RIMS3: variants seen among roughly 807,000 people sequenced by gnomAD.
RIMS3 encodes regulating synaptic membrane exocytosis 3.
A neutral mutation model predicts 29.2 loss-of-function variants in RIMS3; 15 were observed. The observed-to-expected ratio is 0.51, with a 90% CI of 0.34 to 0.79. The LOEUF is 0.79. Ranked by LOEUF, RIMS3 falls within the 30% of genes least tolerant of loss-of-function variation. The pLI is 0.01. For missense variants in RIMS3, 342 were observed against 421.4 expected (o/e 0.81, Z 1.65); for synonymous variants, 161 against 170.1 (o/e 0.95, Z 0.41).
chr1:40,659,007 A>C (rs1226699739), intron 1 of RIMS3, among the ~76,000 whole-genome samples: 1 of 152,216 alleles, frequency 6.6e-6, no homozygotes, highest in Non-Finnish European at 1.5e-5. Flanking sequence ...AGCCCAGTGC[A>C]GTGGGAGACA....
chr1:40,646,972 C>T (rs946874641), intron 2 of RIMS3, among the ~76,000 whole-genome samples: 2 of 151,930 alleles, frequency 1.3e-5, no homozygotes, highest in African/African-American at 4.8e-5. Flanking sequence ...CCTCCGCCTC[C>T]TGGGTTCAAG....
intron 3 of RIMS3, among the ~76,000 whole-genome samples, chr1:40,639,295 C>T (rs1646541006): frequency 6.6e-6 from 1 of 152,196 alleles, no homozygotes; most frequent in Admixed American, 6.5e-5. Flanking sequence ...CATGAGTCTG[C>T]CTCATATATT....
intron 3 of RIMS3, among the ~76,000 whole-genome samples, chr1:40,641,011 G>C (rs1473168356): frequency 2.0e-5 from 3 of 152,216 alleles, no homozygotes. Flanking sequence ...TTCTATTTAT[G>C]TAACTGCACA....
At chr1:40,631,774 T>C (rs2148345199) in intron 5 of RIMS3, among the ~76,000 whole-genome samples, 1 of 151,436 alleles carries the variant, frequency 6.6e-6, no homozygotes, top group South Asian at 2.1e-4. Flanking sequence ...AGTTCCAGAC[T>C]AGCCTGGCCA....
chr1:40,640,530 G>A (rs1646549086), intron 3 of RIMS3, among the ~76,000 whole-genome samples: 1 of 152,104 alleles, frequency 6.6e-6, no homozygotes, highest in African/African-American at 2.4e-5. Context: ...CGGAGCCCCC[G>A]CCCCCTCACC....
intron 5 of RIMS3, among the ~76,000 whole-genome samples, chr1:40,632,496 T>G (rs1235470751): frequency 6.9e-6 from 1 of 145,614 alleles, no homozygotes; most frequent in Admixed American, 7.0e-5. Flanking sequence ...CACTCTATGA[T>G]GTTCACACAC....
At chr1:40,629,087 G>A in intron 6 of RIMS3, 138 bp from the exon 7 acceptor site, 4 of 1,191,598 alleles carry the variant, frequency 3.4e-6, no homozygotes, top group Admixed American at 3.6e-5. Context: ...AGGCAGAAGA[G>A]GTGACTCAAG....
At chr1:40,632,989 A>G in intron 5 of RIMS3, 80 bp downstream of exon 5, 1 of 1,083,644 alleles carries the variant, frequency 9.2e-7, no homozygotes, top group Non-Finnish European at 1.4e-6. Context: ...ACGATGGCCA[A>G]TGCAGGGCCC....
chr1:40,626,797 G>A, intron 7 of RIMS3, 68 bp from the exon 8 acceptor site: 1 of 1,427,990 alleles, frequency 7.0e-7, no homozygotes, highest in Non-Finnish European at 9.9e-7. Context: ...GCAGGCCTAG[G>A]AACCTACACG....
At chr1:40,628,785 G>A (rs1462737059) in intron 7 of RIMS3, 25 bp downstream of exon 7, 2 of 1,614,060 alleles carry the variant, frequency 1.2e-6, no homozygotes, top group Admixed American at 1.7e-5. Context: ...AGTCCACCCT[G>A]CCCTACTTGC....
At chr1:40,645,603 C>CA (rs1321677889) in intron 2 of RIMS3, among the ~76,000 whole-genome samples, 2 of 152,136 alleles carry the variant, frequency 1.3e-5, no homozygotes, top group Non-Finnish European at 2.9e-5. Flanking sequence ...CAGGTTCCCA[C>CA]AGCTGTCATG....
intron 3 of RIMS3, among the ~76,000 whole-genome samples, chr1:40,641,192 C>A (rs1333236531): frequency 2.0e-5 from 3 of 152,128 alleles, no homozygotes; most frequent in African/African-American, 7.2e-5. Flanking sequence ...AGGCTGGTCT[C>A]AAACTCCTGG....
At chr1:40,676,504 C>T in the RIMS3 span, among the ~76,000 whole-genome samples, 1 of 152,146 alleles carries the variant, frequency 6.6e-6, no homozygotes, top group African/African-American at 2.4e-5. Context: ...TTTGTTGGAT[C>T]ACAAAGGAAC....
At chr1:40,643,648 T>C (rs949792853) in intron 2 of RIMS3, among the ~76,000 whole-genome samples, 5 of 152,054 alleles carry the variant, frequency 3.3e-5, no homozygotes, top group Admixed American at 6.5e-5. Context: ...AGCTAATTTT[T>C]TTGTATTTTT....
chr1:40,670,181 T>C (rs761236943), upstream of RIMS3, among the ~76,000 whole-genome samples: 82 of 152,206 alleles, frequency 5.4e-4, no homozygotes, highest in Admixed American at 7.9e-4. Context: ...AAATATCAAG[T>C]ATTTATTATA....
At chr1:40,676,076 AG>A in the RIMS3 span, among the ~76,000 whole-genome samples, 1 of 152,076 alleles carries the variant, frequency 6.6e-6, no homozygotes, top group Non-Finnish European at 1.5e-5. Context: ...AGTGGTGAGA[AG>A]ATAGAGAATA....
chr1:40,683,648 T>C, the RIMS3 span, among the ~76,000 whole-genome samples: 1 of 152,176 alleles, frequency 6.6e-6, no homozygotes, highest in Non-Finnish European at 1.5e-5. Flanking sequence ...ATACTACCTG[T>C]AGCTATTTCA....
At chr1:40,687,179 G>A in the RIMS3 span, among the ~76,000 whole-genome samples, 1 of 152,178 alleles carries the variant, frequency 6.6e-6, no homozygotes, top group South Asian at 2.1e-4. Flanking sequence ...GGTTACCAGA[G>A]GCTGGGGAAA....
At position 40,625,306 on chromosome 1, in the gene RIMS3, G is replaced by C. The variant is rs1054250077; in HGVS notation, c.*1211C>G. The C allele has an allele frequency of 6.5e-6, 1 of 152,932 alleles. No homozygotes were observed. The highest frequency in any genetic ancestry group is 1.5e-5 in the Non-Finnish European group (1 of 68,296). The allele number at this position is 152,932 out of a possible 1,614,324, so 9.5% of individuals were successfully genotyped here. ...CAGGAAAGCAGGGAAGCCCGGAGGGGTAAGTATTGCTTAGACAGAGCTGGT... is the reference window on the plus strand; with the variant it reads ...CAGGAAAGCAGGGAAGCCCGGAGGGCTAAGTATTGCTTAGACAGAGCTGGT... On this transcript the variant is annotated 3_prime_UTR_variant, in exon 8 of 8. Transcript: ENST00000372684.
Sources: gnomAD v4.1 joint callset for allele counts (sites outside exome capture counted in the v4.1 genomes callset) on GRCh38, gnomAD v4.1.1 for gene constraint, MANE v1.5 for transcripts, NCBI Gene and HGNC (gene_info 2026-07-23, HGNC 2026-07-21) for gene names.